RASSF6: variants seen among roughly 807,000 people sequenced by gnomAD.
The protein encoded by RASSF6 is Ras association domain family member 6, also known as ras association domain-containing protein 6.
RASSF6 carries 52 observed loss-of-function variants against 44.0 expected under a neutral mutation model. The ratio of observed to expected loss-of-function variants is 1.18; its 90% CI spans 0.95 to 1.49. The LOEUF (loss-of-function observed/expected upper bound fraction) is 1.49, where lower values mean the gene tolerates loss of function less well. Ranked by LOEUF, RASSF6 falls within the 40% of genes most tolerant of loss-of-function variation. RASSF6 has a pLI of 0.00. For missense variants in RASSF6, 464 were observed against 393.3 expected, an observed-to-expected ratio of 1.18 and a Z score of -1.52; for synonymous variants, 162 against 124.6, an observed-to-expected ratio of 1.30 and a Z score of -2.00.
intron 1 of RASSF6, among the ~76,000 whole-genome samples, chr4:73,612,230 G>T (rs1726063191): frequency 1.3e-5 from 2 of 152,112 alleles, no homozygotes; most frequent in South Asian, 4.1e-4. Flanking sequence ...GACTTGAAGA[G>T]TTGATTAGGT....
Position 73,587,939 on chromosome 4 carries a change from G to A in RASSF6, c.288-5C>T, listed in dbSNP as rs10019146. On this transcript the variant is annotated splice_region_variant and splice_polypyrimidine_tract_variant and intron_variant, in intron 4 of 10. Transcript: ENST00000307439. The stretch of plus-strand genomic sequence containing the variant: ...AATTCCCCCCAGCGTGTCATTCTGA[G>A]AAGTAATAAATCTTGTAAGTACATC... The A allele has an allele frequency of 0.26, 419,154 of 1,585,680 alleles. 57,609 individuals are homozygous for A. The highest frequency in any genetic ancestry group is 0.41 in the Admixed American group (24,296 of 59,734).
In RASSF6 at chr4:73,575,741, T is replaced by C; in HGVS notation, c.*494A>G. ...TCAGAAGTCAACAGGCCATTTAAGA[T>C]AGTCCTAGATTTTATGAAAATGCCA... On this transcript the variant is annotated 3_prime_UTR_variant, in exon 11 of 11. Coordinates refer to ENST00000307439, the MANE Select transcript of RASSF6 (RefSeq NM_177532.5). 6.6e-6 allele frequency: 1 copy of C among 152,370 alleles called. No homozygotes were observed. The highest frequency in any genetic ancestry group is 1.5e-5 in the Non-Finnish European group (1 of 68,072). 9.4% of individuals were successfully genotyped at this position (152,370 alleles called of 1,614,324 possible).
intron 4 of RASSF6, among the ~76,000 whole-genome samples, chr4:73,592,710 G>A (rs1724641752): frequency 1.3e-5 from 2 of 152,186 alleles, no homozygotes; most frequent in African/African-American, 4.8e-5. Flanking sequence ...ACATCATTAA[G>A]TTTCCTTGGT....
chr4:73,603,419 G>A (rs1050935961), intron 2 of RASSF6, among the ~76,000 whole-genome samples: 8 of 152,092 alleles, frequency 5.3e-5, no homozygotes, highest in African/African-American at 1.9e-4. Flanking sequence ...TGAATACCCA[G>A]GATTCTTCAT....
chr4:73,576,051 G>T lies in RASSF6; in HGVS notation c.*184C>A, dbSNP rs181383586. The T allele has an allele frequency of 5.3e-4, 244 of 457,206 alleles. 1 individual carries two copies. Among genetic ancestry groups the T allele is most frequent in the African/African-American group, 4.2e-3 (209 of 49,398 alleles). The allele number at this position is 457,206 out of a possible 1,614,324, so 28.3% of individuals were successfully genotyped here. The stretch of plus-strand genomic sequence containing the variant: ...CTGAAACTAAACTCAAACTCATTTT[G>T]TCCAACTGTGAACCCTAATTAACCT... On this transcript the variant is annotated 3_prime_UTR_variant, in exon 11 of 11. Transcript: ENST00000307439.
In RASSF6 at chr4:73,611,758, A is replaced by T. The variant is rs1560461700; in HGVS notation, c.38T>A (p.Phe13Tyr). 6.2e-7 allele frequency: 1 copy of T among 1,610,028 alleles called. No individual in the cohort carries two copies. Among genetic ancestry groups the T allele is most frequent in the East Asian group, 2.2e-5 (1 of 44,716 alleles). ...MMAHQYPSWIFINEKTFITRE... is the reference protein window; with the variant it reads ...MMAHQYPSWIYINEKTFITRE... ...GGTTATGAATGTCTTCTCATTAATG[A>T]AGATCCAAGAGGGGTACTGGTGAGC... Residue 13 changes from phenylalanine to tyrosine, a missense_variant, in exon 2 of 11, where the codon TTC becomes TAC. Physicochemically the swap from Phe to Tyr is conservative, Grantham distance 22. Coordinates refer to ENST00000307439, the MANE Select transcript of RASSF6 (RefSeq NM_177532.5).
chr4:73,581,004 T>G (rs1723596483), intron 8 of RASSF6, among the ~76,000 whole-genome samples: 1 of 151,868 alleles, frequency 6.6e-6, no homozygotes, highest in Non-Finnish European at 1.5e-5. Context: ...TTTATGGTTT[T>G]AGGTCTAACG....
At chr4:73,577,603 T>C (rs1723320283) in intron 8 of RASSF6, among the ~76,000 whole-genome samples, 2 of 152,078 alleles carry the variant, frequency 1.3e-5, no homozygotes, top group Admixed American at 1.3e-4. Flanking sequence ...ACAATTAAAG[T>C]GATATTACCC....
intron 4 of RASSF6, among the ~76,000 whole-genome samples, chr4:73,591,511 G>A (rs996745281): frequency 3.3e-5 from 5 of 152,152 alleles, no homozygotes; most frequent in East Asian, 3.8e-4. Flanking sequence ...TTATAAATCC[G>A]TATCTTGTAC....
chr4:73,583,447 A>T (rs754335336), intron 6 of RASSF6, among the ~76,000 whole-genome samples: 15 of 152,142 alleles, frequency 9.9e-5, no homozygotes, highest in Non-Finnish European at 2.2e-4. Context: ...CACCATAACT[A>T]ATCTCCAGAT....
intron 1 of RASSF6, among the ~76,000 whole-genome samples, chr4:73,614,316 A>G (rs1396648751): frequency 6.6e-6 from 1 of 152,218 alleles, no homozygotes; most frequent in African/African-American, 2.4e-5. Context: ...CAAAACCTAG[A>G]TGTTGAAACT....
At chr4:73,603,042 T>C (rs1297646775) in intron 2 of RASSF6, among the ~76,000 whole-genome samples, 1 of 151,940 alleles carries the variant, frequency 6.6e-6, no homozygotes, top group Non-Finnish European at 1.5e-5. Context: ...GAGCCCAGAT[T>C]GCGCCACTGC....
intron 4 of RASSF6, among the ~76,000 whole-genome samples, chr4:73,593,202 G>T (rs1724692818): frequency 6.6e-6 from 1 of 152,052 alleles, no homozygotes; most frequent in Non-Finnish European, 1.5e-5. Flanking sequence ...TTTTAGTAGA[G>T]ACAGGGTTTC....
At chr4:73,587,574 C>T (rs1724194518) in intron 5 of RASSF6, among the ~76,000 whole-genome samples, 1 of 151,764 alleles carries the variant, frequency 6.6e-6, no homozygotes, top group Non-Finnish European at 1.5e-5. Context: ...ATTAGCTCTC[C>T]CTATTCTAAT....
At chr4:73,581,683 C>T in intron 8 of RASSF6, 134 bp downstream of exon 8, 1 of 573,910 alleles carries the variant, frequency 1.7e-6, no homozygotes, top group Non-Finnish European at 3.1e-6. Context: ...GTTCTAAAGA[C>T]CACTCCTTCC....
chr4:73,596,804 C>G (rs562874145), intron 3 of RASSF6, among the ~76,000 whole-genome samples: 1 of 151,892 alleles, frequency 6.6e-6, no homozygotes, highest in Non-Finnish European at 1.5e-5. Context: ...AGTAGAGAAC[C>G]CAGAAATGAG....
intron 1 of RASSF6, among the ~76,000 whole-genome samples, chr4:73,616,270 C>T (rs969524242): frequency 6.1e-5 from 9 of 147,448 alleles, no homozygotes; most frequent in Admixed American, 3.4e-4. Flanking sequence ...TCTATCTATA[C>T]ATATATATAC....
intron 4 of RASSF6, among the ~76,000 whole-genome samples, chr4:73,588,226 A>T (rs561931718): frequency 6.6e-6 from 1 of 152,186 alleles, no homozygotes; most frequent in East Asian, 1.9e-4. Flanking sequence ...GTCCAAATTG[A>T]ATTAGTAGAA....
intron 2 of RASSF6, 145 bp downstream of exon 2, chr4:73,611,586 C>A: frequency 2.1e-6 from 1 of 472,470 alleles, no homozygotes; most frequent in Non-Finnish European, 3.8e-6. Flanking sequence ...TAGGAACATA[C>A]TTTTCCAACT....
Sources: gnomAD v4.1 joint callset for allele counts (sites outside exome capture counted in the v4.1 genomes callset) on GRCh38, gnomAD v4.1.1 for gene constraint, MANE v1.5 for transcripts, NCBI Gene and HGNC (gene_info 2026-07-23, HGNC 2026-07-21) for gene names.